STARD13: variants seen among roughly 807,000 people sequenced by gnomAD.
The protein encoded by STARD13 is StAR related lipid transfer domain containing 13.
A neutral mutation model predicts 106.4 loss-of-function variants in STARD13; 62 were observed. The observed-to-expected ratio is 0.58, with a 90% confidence interval of 0.48 to 0.72. The LOEUF is 0.72. Ranked by LOEUF, STARD13 falls within the 30% of genes least tolerant of loss-of-function variation. The pLI is 0.00. For synonymous variants in STARD13, 565 were observed against 553.0 expected, an observed-to-expected ratio of 1.02 and a Z score of -0.31; for missense variants, 1,387 against 1,424.0, an observed-to-expected ratio of 0.97 and a Z score of 0.42.
At chr13:33,394,001 T>C in the STARD13 span, among the ~76,000 whole-genome samples, 2 of 152,196 alleles carry the variant, frequency 1.3e-5, no homozygotes, top group Non-Finnish European at 2.9e-5. Flanking sequence ...GAAGGACATA[T>C]ATAAAGGCAT....
At chr13:33,164,728 A>G (rs185240294) in intron 3 of STARD13, among the ~76,000 whole-genome samples, 3 of 152,338 alleles carry the variant, frequency 2.0e-5, no homozygotes, top group Admixed American at 2.0e-4. Flanking sequence ...CAACAAGATA[A>G]TACGTTGTTT....
At chr13:33,367,565 G>A in the STARD13 span, among the ~76,000 whole-genome samples, 1 of 152,156 alleles carries the variant, frequency 6.6e-6, no homozygotes, top group Non-Finnish European at 1.5e-5. Flanking sequence ...TCATGTATTA[G>A]AACCCCCAGC....
At chr13:33,507,695 G>A in the STARD13 span, among the ~76,000 whole-genome samples, 1 of 152,146 alleles carries the variant, frequency 6.6e-6, no homozygotes, top group African/African-American at 2.4e-5. Context: ...ACAGCCTACT[G>A]TTGACTGCAT....
the STARD13 span, among the ~76,000 whole-genome samples, chr13:33,459,417 A>G: frequency 6.6e-6 from 1 of 152,156 alleles, no homozygotes; most frequent in African/African-American, 2.4e-5. Flanking sequence ...CATTCATATT[A>G]CTGCATGTAT....
At position 33,112,932 on chromosome 13, in the gene STARD13, C is replaced by T; in HGVS notation, c.2282-1G>A. 1.9e-6 allele frequency: 3 copies of T among 1,600,064 alleles called. No individual in the cohort carries two copies. The highest frequency in any genetic ancestry group is 2.6e-6 in the Non-Finnish European group (3 of 1,174,154). ...TGCAGCCGCTGCTCTTTGGAGACAT[C>T]TGAGGAAAAGTGGATGCCAGGTCAT... On this transcript the variant is annotated splice_acceptor_variant, in intron 8 of 13. Transcript: ENST00000336934. LOFTEE classifies it high-confidence loss of function.
chr13:33,343,981 T>G (rs1241460447), downstream of STARD13, among the ~76,000 whole-genome samples: 1 of 152,186 alleles, frequency 6.6e-6, no homozygotes, highest in African/African-American at 2.4e-5. Context: ...AAGTTCCTTC[T>G]GACCTCAATT....
rs376121349 is a variant in STARD13 at position 33,155,865 on chromosome 13, A to G, written c.323+9472T>C. 1.1e-3 allele frequency among the ~76,000 whole-genome samples: 160 copies of G among 152,314 alleles called. 1 individual carries two copies. The highest frequency in any genetic ancestry group is 1.6e-3 in the Non-Finnish European group (107 of 68,016). On this transcript the variant is annotated intron_variant, in intron 3 of 13. Transcript: ENST00000336934. ...AGGTTAGTGCAAGAACCCACTTCCT[A>G]GTGGAAAGGAATGGTTACAACAGGC...
the STARD13 span, among the ~76,000 whole-genome samples, chr13:33,576,377 C>T: frequency 6.6e-6 from 1 of 151,928 alleles, no homozygotes; most frequent in Non-Finnish European, 1.5e-5. Flanking sequence ...AGTGTGCCAC[C>T]ATGCCCAGCT....
chr13:33,142,295 GGT>G lies in STARD13; in HGVS notation c.387+13_387+14del, dbSNP rs767943398. 124 of 1,608,028 alleles carry G rather than the reference GGT, an allele frequency of 7.7e-5. No homozygotes were observed. Among genetic ancestry groups the G allele is most frequent in the Non-Finnish European group, 1.0e-4 (119 of 1,174,640 alleles). Reference sequence around the variant, plus strand: ...ACTGGCATAGCCACATTCTTATTAAGGTGTGGGCACCTACCTTTTTCCTTTGG... The same window carrying G: ...ACTGGCATAGCCACATTCTTATTAAGGTGGGCACCTACCTTTTTCCTTTGG... On this transcript the variant is annotated intron_variant, in intron 4 of 13. Coordinates refer to ENST00000336934, the MANE Select transcript of STARD13 (RefSeq NM_178006.4).
chr13:33,567,969 G>C, the STARD13 span, among the ~76,000 whole-genome samples: 3 of 147,894 alleles, frequency 2.0e-5, no homozygotes, highest in Non-Finnish European at 4.5e-5. Flanking sequence ...GTGTTTGTGG[G>C]TTTGCTTTTC....
At chr13:33,140,133 C>T (rs1193860147) in intron 4 of STARD13, among the ~76,000 whole-genome samples, 1 of 152,190 alleles carries the variant, frequency 6.6e-6, no homozygotes, top group Non-Finnish European at 1.5e-5. Context: ...GCACAAAGAG[C>T]CAAACAAATG....
In STARD13 at chr13:33,272,125, T is replaced by G. The variant is rs73458287; in HGVS notation, c.169+13345A>C. 6.7e-3 allele frequency among the ~76,000 whole-genome samples: 1,024 copies of G among 152,328 alleles called. 8 individuals are homozygous for G. Among genetic ancestry groups the G allele is most frequent in the African/African-American group, 0.023 (974 of 41,582 alleles). On this transcript the variant is annotated intron_variant, in intron 1 of 13. Coordinates refer to ENST00000336934, the MANE Select transcript of STARD13 (RefSeq NM_178006.4). ...GTAATATAGGTAGTGCTGAAAATAG[T>G]TCTTGGTACATCACAGTGGGTCCTC...
chr13:33,127,538 C>A lies in STARD13; in HGVS notation c.1757G>T (p.Arg586Leu). Residue 586 changes from arginine (R) to leucine (L), a missense_variant, in exon 6 of 14, where the codon CGA becomes CTA. Transcript: ENST00000336934. ...ASLTRPNRRLRWNSFQLSHQP... is the reference protein window; with the variant it reads ...ASLTRPNRRLLWNSFQLSHQP... ...GTGCGACAGCTGGAAACTGTTCCAT[C>A]GGAGTCGCCTTTACCAGAGAGACCA... 1 of 1,544,398 alleles carries A rather than the reference C, an allele frequency of 6.5e-7. No individual in the cohort carries two copies.
chr13:33,585,153 AAATG>A, the STARD13 span, among the ~76,000 whole-genome samples: 1 of 152,250 alleles, frequency 6.6e-6, no homozygotes, highest in African/African-American at 2.4e-5. Flanking sequence ...GATATGGAGA[AAATG>A]AACCCTTGCG....
chr13:33,516,150 T>C, the STARD13 span, among the ~76,000 whole-genome samples: 3 of 147,898 alleles, frequency 2.0e-5, no homozygotes, highest in African/African-American at 4.9e-5. Flanking sequence ...ATATAATTTA[T>C]ATATAATATA....
chr13:33,658,640 A>G, the STARD13 span, among the ~76,000 whole-genome samples: 1 of 152,226 alleles, frequency 6.6e-6, no homozygotes, highest in Non-Finnish European at 1.5e-5. Context: ...AGACTGTGAT[A>G]TTGCAAAATA....
exon 1 of STARD13, chr13:33,350,485 C>T (rs867871047): frequency 2.7e-6 from 4 of 1,483,582 alleles, no homozygotes; most frequent in Middle Eastern, 1.7e-4. Context: ...CTCAGACTCC[C>T]GGCGACTGGA....
the STARD13 span, among the ~76,000 whole-genome samples, chr13:33,463,505 C>A: frequency 6.6e-6 from 1 of 152,112 alleles, no homozygotes; most frequent in Non-Finnish European, 1.5e-5. Flanking sequence ...CTGCCCTGTC[C>A]CTACTTTAGC....
the STARD13 span, among the ~76,000 whole-genome samples, chr13:33,566,759 T>A: frequency 6.8e-6 from 1 of 147,722 alleles, no homozygotes; most frequent in Non-Finnish European, 1.5e-5. Context: ...TTAGGCAGTA[T>A]GGGGATCACT....
Sources: gnomAD v4.1 joint callset for allele counts (sites outside exome capture counted in the v4.1 genomes callset) on GRCh38, gnomAD v4.1.1 for gene constraint, MANE v1.5 for transcripts, NCBI Gene and HGNC (gene_info 2026-07-23, HGNC 2026-07-21) for gene names.